The following GRID2 variants were observed in gnomAD, a reference collection of about 807,000 sequenced individuals.
The protein encoded by GRID2 is glutamate ionotropic receptor delta type subunit 2, also known as glutamate receptor ionotropic, delta-2.
GRID2 carries 33 observed loss-of-function variants against 114.8 expected under a neutral mutation model. The ratio of observed to expected loss-of-function variants is 0.29; its 90% CI spans 0.22 to 0.38. GRID2 has a LOEUF of 0.38. Ranked by LOEUF, GRID2 falls within the 10% of genes least tolerant of loss-of-function variation. GRID2 has a pLI of 1.00. For synonymous variants in GRID2, 505 were observed against 449.9 expected, an observed-to-expected ratio of 1.12 and a Z score of -1.55; for missense variants, 1,184 against 1,257.7, an observed-to-expected ratio of 0.94 and a Z score of 0.89.
At chr4:92,953,831 A>G (rs1752196871) in intron 2 of GRID2, among the ~76,000 whole-genome samples, 1 of 152,158 alleles carries the variant, frequency 6.6e-6, no homozygotes, top group Non-Finnish European at 1.5e-5. Context: ...CATATTTCAC[A>G]ATTTTTTAAA....
intron 2 of GRID2, among the ~76,000 whole-genome samples, chr4:92,805,925 C>T (rs1472319023): frequency 1.3e-5 from 2 of 151,712 alleles, no homozygotes; most frequent in African/African-American, 4.8e-5. Flanking sequence ...CTCTGCAAAT[C>T]GTATTTACTG....
intron 12 of GRID2, among the ~76,000 whole-genome samples, chr4:93,508,096 A>G (rs1415215853): frequency 2.6e-5 from 4 of 152,136 alleles, no homozygotes; most frequent in Non-Finnish European, 5.9e-5. Context: ...AGCATGGCAC[A>G]TGTATACATA....
At chr4:92,626,705 T>C (rs1043667465) in intron 2 of GRID2, among the ~76,000 whole-genome samples, 2 of 152,090 alleles carry the variant, frequency 1.3e-5, no homozygotes, top group Non-Finnish European at 2.9e-5. Flanking sequence ...TTGAGTGTTA[T>C]ATCTTCAACC....
At position 93,613,675 on chromosome 4, in the gene GRID2, A is replaced by T. The variant is rs1246185290; in HGVS notation, c.2194-12594A>T. 7.9e-5 allele frequency among the ~76,000 whole-genome samples: 11 copies of T among 140,118 alleles called. 1 individual carries two copies. The East Asian group carries it at 2.2e-3, about 28-fold the overall frequency. 91.9% of individuals were successfully genotyped at this position (140,118 alleles called of 152,430 possible). On this transcript the variant is annotated intron_variant, in intron 13 of 15. Coordinates refer to ENST00000282020, the MANE Select transcript of GRID2 (RefSeq NM_001510.4). ...GAGGAGGCAGTCTGCCCGTTCTCAGATCTCCAGCTGCTTGCTGGGAGAACC... is the reference window on the plus strand; with the variant it reads ...GAGGAGGCAGTCTGCCCGTTCTCAGTTCTCCAGCTGCTTGCTGGGAGAACC...
At chr4:93,600,204 A>G (rs1272986729) in intron 13 of GRID2, among the ~76,000 whole-genome samples, 2 of 152,192 alleles carry the variant, frequency 1.3e-5, no homozygotes, top group Non-Finnish European at 2.9e-5. Context: ...AAACAAAAAC[A>G]CAAACTTGAT....
chr4:93,506,203 A>C (rs868661497), intron 12 of GRID2, among the ~76,000 whole-genome samples: 45 of 152,168 alleles, frequency 3.0e-4, no homozygotes, highest in African/African-American at 1.1e-3. Context: ...ACCTGTGACC[A>C]TCTGACTGTA....
At chr4:93,630,645 A>C (rs1743159864) in intron 14 of GRID2, among the ~76,000 whole-genome samples, 1 of 152,220 alleles carries the variant, frequency 6.6e-6, no homozygotes, top group African/African-American at 2.4e-5. Flanking sequence ...AGTTGCATGG[A>C]GAATAATTTT....
chr4:93,171,931 A>G (rs1738865055), intron 4 of GRID2, among the ~76,000 whole-genome samples: 1 of 152,174 alleles, frequency 6.6e-6, no homozygotes, highest in Admixed American at 6.6e-5. Context: ...TCACATTTCA[A>G]TATAGCTCTA....
chr4:93,155,180 A>G (rs918678605), intron 4 of GRID2, among the ~76,000 whole-genome samples: 2 of 151,802 alleles, frequency 1.3e-5, no homozygotes, highest in African/African-American at 2.4e-5. Flanking sequence ...CCTTCTCTTT[A>G]TTCTTCTTTC....
At chr4:93,636,345 A>G (rs992114127) in intron 14 of GRID2, among the ~76,000 whole-genome samples, 1 of 152,114 alleles carries the variant, frequency 6.6e-6, no homozygotes, top group Admixed American at 6.6e-5. Flanking sequence ...TACTGATATA[A>G]TCTAGGTGTT....
At chr4:92,365,681 T>C (rs1235206514) in intron 1 of GRID2, among the ~76,000 whole-genome samples, 3 of 152,100 alleles carry the variant, frequency 2.0e-5, no homozygotes, top group African/African-American at 7.2e-5. Flanking sequence ...GAGTGATGCA[T>C]GTTAATTTGC....
At chr4:93,110,975 G>A (rs566047686) in intron 4 of GRID2, 22 bp downstream of exon 4, 105 of 1,436,594 alleles carry the variant, frequency 7.3e-5, no homozygotes, top group Middle Eastern at 5.3e-4. Context: ...TTGTCTTGGG[G>A]TGAGAGTTGT....
chr4:93,359,346 C>T (rs1340295349), intron 8 of GRID2, among the ~76,000 whole-genome samples: 2 of 151,538 alleles, frequency 1.3e-5, no homozygotes, highest in African/African-American at 2.4e-5. Context: ...GAGATGTTTT[C>T]ATCACAGGCA....
intron 12 of GRID2, among the ~76,000 whole-genome samples, chr4:93,514,736 A>G (rs1729538018): frequency 6.6e-6 from 1 of 152,154 alleles, no homozygotes; most frequent in Admixed American, 6.6e-5. Flanking sequence ...TATCATAACT[A>G]CTAATTTTTA....
chr4:93,434,033 A>G (rs1382193352), intron 10 of GRID2, among the ~76,000 whole-genome samples: 1 of 152,176 alleles, frequency 6.6e-6, no homozygotes, highest in Non-Finnish European at 1.5e-5. Flanking sequence ...TTTAATACCC[A>G]TGTGAGCCTA....
intron 8 of GRID2, among the ~76,000 whole-genome samples, chr4:93,292,627 G>T (rs1753867359): frequency 6.6e-6 from 1 of 152,092 alleles, no homozygotes; most frequent in Non-Finnish European, 1.5e-5. Context: ...CTCCATTCTT[G>T]CCACCAAACT....
intron 1 of GRID2, among the ~76,000 whole-genome samples, chr4:92,394,033 G>T (rs1327607547): frequency 1.3e-5 from 2 of 152,070 alleles, no homozygotes; most frequent in African/African-American, 4.8e-5. Flanking sequence ...TAAGCAAAGG[G>T]TGATTTGGTT....
intron 8 of GRID2, among the ~76,000 whole-genome samples, chr4:93,391,671 C>A (rs1764864851): frequency 1.3e-5 from 2 of 152,060 alleles, no homozygotes; most frequent in Admixed American, 1.3e-4. Context: ...TATAACACTG[C>A]CTGAAAAATA....
intron 1 of GRID2, among the ~76,000 whole-genome samples, chr4:92,448,167 GTAT>G (rs1372713375): frequency 1.3e-5 from 2 of 151,056 alleles, no homozygotes. Context: ...ATGTATGTAT[GTAT>G]GTATGTATGT....
Sources: allele counts gnomAD v4.1 joint callset (sites outside exome capture counted in the v4.1 genomes callset), GRCh38; gene constraint gnomAD v4.1.1; transcripts MANE v1.5; gene names NCBI Gene and HGNC (gene_info 2026-07-23, HGNC 2026-07-21).